AP2B1: variants seen among roughly 807,000 people sequenced by gnomAD.
AP2B1 encodes adaptor related protein complex 2 subunit beta 1, also known as AP-2 complex subunit beta.
AP2B1 carries 23 observed loss-of-function variants against 102.0 expected under a neutral mutation model. The observed-to-expected ratio is 0.23, with a 90% CI of 0.16 to 0.32. The LOEUF (loss-of-function observed/expected upper bound fraction) is 0.32. AP2B1 is among the 10% of genes least tolerant of loss of function. AP2B1 has a pLI of 1.00. For synonymous variants in AP2B1, 381 were observed against 421.2 expected, an observed-to-expected ratio of 0.90 and a Z score of 1.17; for missense variants, 541 against 1,157.4, an observed-to-expected ratio of 0.47 and a Z score of 7.73.
intron 16 of AP2B1, among the ~76,000 whole-genome samples, chr17:35,673,959 A>T (rs2075645012): frequency 6.6e-6 from 1 of 152,226 alleles, no homozygotes; most frequent in Non-Finnish European, 1.5e-5. Context: ...TTTGGTTCTT[A>T]AATAATTGAG....
At chr17:35,706,544 T>A (rs1187031693) in intron 18 of AP2B1, among the ~76,000 whole-genome samples, 1 of 152,188 alleles carries the variant, frequency 6.6e-6, no homozygotes, top group Admixed American at 6.5e-5. Context: ...TATTATCCTC[T>A]AGAGAATGGG....
intron 3 of AP2B1, among the ~76,000 whole-genome samples, chr17:35,600,379 C>T (rs1438280611): frequency 6.6e-6 from 1 of 151,772 alleles, no homozygotes; most frequent in Non-Finnish European, 1.5e-5. Context: ...CCACTGTTCC[C>T]GGGCTGTCTA....
At chr17:35,624,079 T>C (rs1016436944) in intron 5 of AP2B1, among the ~76,000 whole-genome samples, 7 of 152,238 alleles carry the variant, frequency 4.6e-5, no homozygotes, top group African/African-American at 1.4e-4. Flanking sequence ...TCATTTTTCA[T>C]ATGCTGTTCA....
chr17:35,698,803 T>C (rs2523115), intron 18 of AP2B1, among the ~76,000 whole-genome samples: 8,547 of 152,300 alleles, frequency 0.056, 390 homozygotes, highest in East Asian at 0.14. Flanking sequence ...GTTAACAAAA[T>C]TTGATTTGAG....
intron 4 of AP2B1, 84 bp downstream of exon 4, chr17:35,605,924 T>C (rs1289053177): frequency 1.3e-6 from 2 of 1,544,968 alleles, no homozygotes; most frequent in Non-Finnish European, 1.7e-6. Flanking sequence ...TAGGGAAGTG[T>C]TGGCAATGAC....
In AP2B1 at chr17:35,624,510, A is replaced by G. The variant is rs2074265220; in HGVS notation, c.639A>G (p.Glu213=). The G allele has an allele frequency of 6.2e-7, 1 of 1,614,182 alleles. No individual in the cohort carries two copies. The highest frequency in any genetic ancestry group is 8.5e-7 in the Non-Finnish European group (1 of 1,179,998). ...ATAAGCTGCTGACAGCCCTGAATGA[A>G]TGCACTGAATGGGGCCAGATTTTCA... The part of the protein sequence containing the change: ...NINKLLTALN[E]CTEWGQIFIL... Residue 213 remains glutamate (E), a synonymous_variant, in exon 6 of 22, where the codon GAA becomes GAG. Transcript: ENST00000610402.
intron 2 of AP2B1, chr17:35,596,806 G>T (rs2073299330): frequency 1.6e-6 from 1 of 632,322 alleles, no homozygotes; most frequent in Admixed American, 2.1e-5. Flanking sequence ...ATGGGCCCCC[G>T]CAGCGCTGCC....
At chr17:35,631,775 A>G (rs1451057498) in intron 9 of AP2B1, among the ~76,000 whole-genome samples, 1 of 152,084 alleles carries the variant, frequency 6.6e-6, no homozygotes, top group Non-Finnish European at 1.5e-5. Context: ...AAATCTTTGA[A>G]CTCTAGTTGA....
intron 21 of AP2B1, among the ~76,000 whole-genome samples, chr17:35,722,259 T>C (rs1311796862): frequency 3.3e-5 from 5 of 152,088 alleles, no homozygotes; most frequent in African/African-American, 1.2e-4. Context: ...AAGAATTGCT[T>C]CAATAGGGAG....
At chr17:35,613,957 T>A (rs1049533689) in intron 5 of AP2B1, among the ~76,000 whole-genome samples, 3 of 152,212 alleles carry the variant, frequency 2.0e-5, no homozygotes, top group Non-Finnish European at 4.4e-5. Flanking sequence ...GTCACAAGTA[T>A]ATATTTGCAA....
Position 35,639,692 on chromosome 17 carries a change from G to A in AP2B1, c.1369G>A (p.Glu457Lys), listed in dbSNP as rs779536706. 6.2e-7 allele frequency: 1 copy of A among 1,614,158 alleles called. No individual in the cohort carries two copies. Among genetic ancestry groups the A allele is most frequent in the Non-Finnish European group, 8.5e-7 (1 of 1,180,008 alleles). ...AMIWIVGEYA[E>K]RIDNADELLE... ...GATTTGGATTGTGGGAGAATATGCT[G>A]AAAGAATTGACAATGCAGATGAGTT... Residue 457 changes from glutamate (E) to lysine (K), a missense_variant, in exon 11 of 22, where the codon GAA becomes AAA. By Grantham distance (56) the Glu-to-Lys change is moderately conservative. Transcript: ENST00000610402.
At chr17:35,680,686 G>GTTTTGGTTT (rs2075798925) in intron 17 of AP2B1, among the ~76,000 whole-genome samples, 1 of 59,932 alleles carries the variant, frequency 1.7e-5, no homozygotes, top group African/African-American at 7.5e-5. Flanking sequence ...TATGGTTTTG[G>GTTTTGGTTT]TTTTTTTTTT....
intron 18 of AP2B1, among the ~76,000 whole-genome samples, chr17:35,686,780 C>G (rs906067953): frequency 6.6e-6 from 1 of 152,002 alleles, no homozygotes; most frequent in Non-Finnish European, 1.5e-5. Context: ...CTGGCTAACA[C>G]GGTGAAACCC....
chr17:35,718,040 A>G (rs2085230678), intron 21 of AP2B1, among the ~76,000 whole-genome samples: 1 of 152,216 alleles, frequency 6.6e-6, no homozygotes, highest in South Asian at 2.1e-4. Context: ...TTTGAAAAGT[A>G]AAGGAAAAAC....
At chr17:35,715,000 C>G (rs782509838) in intron 20 of AP2B1, among the ~76,000 whole-genome samples, 3 of 152,238 alleles carry the variant, frequency 2.0e-5, no homozygotes, top group Non-Finnish European at 2.9e-5. Context: ...CAGGAAGCCT[C>G]CTTATATCTG....
chr17:35,625,672 A>T (rs1232295476), intron 6 of AP2B1, among the ~76,000 whole-genome samples: 2 of 151,498 alleles, frequency 1.3e-5, no homozygotes, highest in Non-Finnish European at 2.9e-5. Context: ...TATAATATGT[A>T]TAGATAGTGT....
chr17:35,652,546 G>A (rs1422378886), intron 13 of AP2B1, among the ~76,000 whole-genome samples: 1 of 152,088 alleles, frequency 6.6e-6, no homozygotes, highest in African/African-American at 2.4e-5. Flanking sequence ...GTAAATAGTT[G>A]TCTAATTCAG....
At chr17:35,703,834 A>AAGTTAAATTTTTTAAAAAAG (rs71152745) in intron 18 of AP2B1, among the ~76,000 whole-genome samples, 130,090 of 152,086 alleles carry the variant, frequency 0.86, 55,892 homozygotes, top group East Asian at 0.97. Flanking sequence ...CTTGAAATAA[A>AAGTTAAATTTTTTAAAAAAG]AGTTCAGTTT....
At chr17:35,617,793 T>C (rs1407999791) in intron 5 of AP2B1, among the ~76,000 whole-genome samples, 1 of 152,214 alleles carries the variant, frequency 6.6e-6, no homozygotes, top group East Asian at 1.9e-4. Flanking sequence ...TAATAAGTGT[T>C]TTATTTTGTT....
Sources: gnomAD v4.1 joint callset for allele counts (sites outside exome capture counted in the v4.1 genomes callset) on GRCh38, gnomAD v4.1.1 for gene constraint, MANE v1.5 for transcripts, NCBI Gene and HGNC (gene_info 2026-07-23, HGNC 2026-07-21) for gene names.